The following PRELID2 variants were observed in gnomAD, a reference collection of about 807,000 sequenced individuals.
PRELID2 encodes the protein PRELI domain-containing protein 2.
PRELID2 carries 25 observed loss-of-function variants against 28.4 expected under a neutral mutation model. The observed-to-expected ratio is 0.88, with a 90% CI of 0.64 to 1.23. The LOEUF (loss-of-function observed/expected upper bound fraction) is 1.23. PRELID2 is among the 50% of genes most tolerant of loss of function. PRELID2 has a pLI of 0.00. For missense variants in PRELID2, 201 were observed against 214.4 expected (o/e 0.94, Z 0.39); for synonymous variants, 76 against 71.6 (o/e 1.06, Z -0.31).
chr5:145,277,892 T>C, the PRELID2 span, among the ~76,000 whole-genome samples: 1 of 152,178 alleles, frequency 6.6e-6, no homozygotes, highest in Non-Finnish European at 1.5e-5. Flanking sequence ...CCTGTGGCCT[T>C]CTATTCTCAC....
chr5:145,710,724 C>T (rs539423371), intron 1 of PRELID2, among the ~76,000 whole-genome samples: 162 of 152,318 alleles, frequency 1.1e-3, no homozygotes, highest in African/African-American at 3.6e-3. Flanking sequence ...TCCAAAATGT[C>T]GCTGAGGCTC....
the PRELID2 span, among the ~76,000 whole-genome samples, chr5:145,379,430 T>G: frequency 3.3e-5 from 5 of 152,098 alleles, no homozygotes; most frequent in Admixed American, 2.0e-4. Context: ...TGTGCATGGT[T>G]GTACTGGAGG....
At chr5:145,324,410 T>C in the PRELID2 span, among the ~76,000 whole-genome samples, 54 of 152,308 alleles carry the variant, frequency 3.5e-4, 1 homozygote, top group African/African-American at 1.3e-3. Context: ...GTCCAAGTTG[T>C]AAATCACATA....
At chr5:145,453,968 G>A in the PRELID2 span, among the ~76,000 whole-genome samples, 1 of 152,002 alleles carries the variant, frequency 6.6e-6, no homozygotes, top group African/African-American at 2.4e-5. Flanking sequence ...ATAATCCTTT[G>A]GGTATATACC....
chr5:145,689,152 TGAG>T (rs775333181), intron 1 of PRELID2, among the ~76,000 whole-genome samples: 2 of 152,092 alleles, frequency 1.3e-5, no homozygotes, highest in African/African-American at 2.4e-5. Flanking sequence ...CCCAAACCTC[TGAG>T]GAGAGGAAGC....
intron 2 of PRELID2, 82 bp from the exon 3 acceptor site, chr5:145,820,100 G>C: frequency 2.4e-6 from 2 of 822,864 alleles, no homozygotes; most frequent in Non-Finnish European, 3.8e-6. Context: ...GCGGGGGTGG[G>C]GTTTTTTTGT....
Position 145,734,827 on chromosome 5 carries a change from A to G in PRELID2, n.70+30104T>C, listed in dbSNP as rs1269758280. Among the ~76,000 whole-genome samples, 3 of 152,340 alleles carry G rather than the reference A, an allele frequency of 2.0e-5. No individual in the cohort carries two copies. The South Asian group carries it at 6.2e-4, about 32-fold the overall frequency. ...ACTTGTCTAATCACATAGTTAGTAA[A>G]TGGCAGACTAACTAAGGAACACGTG... On this transcript the variant is annotated intron_variant and non_coding_transcript_variant, in intron 1 of 2. Transcript: ENST00000510259.
the PRELID2 span, chr5:145,337,790 T>C: frequency 2.7e-5 from 4 of 145,890 alleles, no homozygotes; most frequent in Non-Finnish European, 4.5e-5. Context: ...TGGCAAGGTC[T>C]TGCAGGGTAT....
At chr5:145,814,092 C>G (rs891435820) in intron 4 of PRELID2, among the ~76,000 whole-genome samples, 4 of 152,082 alleles carry the variant, frequency 2.6e-5, no homozygotes, top group Non-Finnish European at 5.9e-5. Flanking sequence ...AAGACACATG[C>G]ATTATTGTTT....
chr5:145,567,280 A>C (rs866956774), intron 1 of PRELID2, among the ~76,000 whole-genome samples: 24 of 152,262 alleles, frequency 1.6e-4, no homozygotes, highest in African/African-American at 5.5e-4. Flanking sequence ...GAAGAAAGTG[A>C]TTGAATCATG....
chr5:145,725,203 C>T (rs2149720963), intron 1 of PRELID2, among the ~76,000 whole-genome samples: 1 of 152,250 alleles, frequency 6.6e-6, no homozygotes, highest in Non-Finnish European at 1.5e-5. Context: ...AAGCAATTTA[C>T]AGAGGAGGAA....
chr5:145,348,278 A>C, the PRELID2 span, among the ~76,000 whole-genome samples: 1 of 152,294 alleles, frequency 6.6e-6, no homozygotes, highest in South Asian at 2.1e-4. Context: ...AGTGAATCTA[A>C]GAATAAAACC....
At chr5:145,716,343 A>C (rs1374644284) in intron 1 of PRELID2, among the ~76,000 whole-genome samples, 1 of 152,146 alleles carries the variant, frequency 6.6e-6, no homozygotes, top group Admixed American at 6.6e-5. Flanking sequence ...ATCATAAAGG[A>C]AGAGAAAACC....
At chr5:145,438,464 C>A in the PRELID2 span, among the ~76,000 whole-genome samples, 5 of 152,094 alleles carry the variant, frequency 3.3e-5, no homozygotes, top group East Asian at 9.7e-4. Context: ...CCATGGGCAA[C>A]CCTAAATAAA....
chr5:145,835,322 G>A lies in PRELID2; in HGVS notation c.-71C>T. ...TCAGAGCTGCCCAGGGCTCCGCAGA[G>A]GCCCGGAGGCGCCCACACTCGGACA... On this transcript the variant is annotated 5_prime_UTR_variant, in exon 1 of 7. Transcript: ENST00000683046. 5 of 1,037,310 alleles carry A rather than the reference G, an allele frequency of 4.8e-6. No individual in the cohort carries two copies. The highest frequency in any genetic ancestry group is 7.0e-6 in the Non-Finnish European group (5 of 709,228). 64.3% of individuals were successfully genotyped at this position (1,037,310 alleles called of 1,614,324 possible). A position where few individuals can be genotyped will look rare whatever the true frequency, so the allele number is the denominator to read the frequency against.
At chr5:145,824,808 T>C (rs1184291909) in intron 1 of PRELID2, among the ~76,000 whole-genome samples, 1 of 152,164 alleles carries the variant, frequency 6.6e-6, no homozygotes, top group African/African-American at 2.4e-5. Flanking sequence ...ATGTTTCATG[T>C]TGGTAAACTC....
chr5:145,244,798 G>A, the PRELID2 span, among the ~76,000 whole-genome samples: 6 of 152,020 alleles, frequency 3.9e-5, no homozygotes, highest in Non-Finnish European at 7.4e-5. Flanking sequence ...TCAGATCAGA[G>A]TTAATTTCAC....
intron 1 of PRELID2, among the ~76,000 whole-genome samples, chr5:145,599,544 A>G (rs555447210): frequency 6.6e-6 from 1 of 152,224 alleles, no homozygotes; most frequent in South Asian, 2.1e-4. Flanking sequence ...CCCCCTTTTC[A>G]GCACTGGACT....
chr5:145,297,928 C>G, the PRELID2 span, among the ~76,000 whole-genome samples: 1 of 152,090 alleles, frequency 6.6e-6, no homozygotes, highest in African/African-American at 2.4e-5. Flanking sequence ...TGAAGGACCT[C>G]TTTAAGGAGA....
Sources: allele counts gnomAD v4.1 joint callset (sites outside exome capture counted in the v4.1 genomes callset), GRCh38; gene constraint gnomAD v4.1.1; transcripts MANE v1.5; gene names NCBI Gene and HGNC (gene_info 2026-07-23, HGNC 2026-07-21).